The following DAAM1 variants were observed in gnomAD, a reference collection of about 807,000 sequenced individuals.
DAAM1 encodes dishevelled associated activator of morphogenesis 1, also known as disheveled-associated activator of morphogenesis 1.
DAAM1 carries 52 observed loss-of-function variants against 130.0 expected under a neutral mutation model. The ratio of observed to expected loss-of-function variants is 0.40; its 90% CI spans 0.32 to 0.50. The LOEUF is 0.50. Ranked by LOEUF, DAAM1 falls within the 20% of genes least tolerant of loss-of-function variation. The pLI, the probability that DAAM1 is intolerant of heterozygous loss-of-function variation, is 0.61. For synonymous variants in DAAM1, 452 were observed against 444.5 expected (o/e 1.02, Z -0.21); for missense variants, 1,134 against 1,303.8 (o/e 0.87, Z 2.01).
intron 23 of DAAM1, among the ~76,000 whole-genome samples, chr14:59,365,701 TA>T (rs756044771): frequency 1.9e-4 from 29 of 151,976 alleles, no homozygotes; most frequent in African/African-American, 6.8e-4. Context: ...AGTAAAGCAA[TA>T]AAAAAACCAA....
At chr14:59,343,808 C>T (rs1885947361) in intron 16 of DAAM1, among the ~76,000 whole-genome samples, 1 of 152,202 alleles carries the variant, frequency 6.6e-6, no homozygotes, top group South Asian at 2.1e-4. Context: ...GCATGAGTGA[C>T]CAAATCATTC....
chr14:59,300,713 T>TA (rs1352081867), intron 3 of DAAM1, among the ~76,000 whole-genome samples: 1 of 152,226 alleles, frequency 6.6e-6, no homozygotes, highest in Non-Finnish European at 1.5e-5. Context: ...ACTGCTCTTC[T>TA]GAAAGTGGTT....
chr14:59,321,455 A>G (rs1325112015), intron 5 of DAAM1, among the ~76,000 whole-genome samples: 1 of 152,258 alleles, frequency 6.6e-6, no homozygotes, highest in African/African-American at 2.4e-5. Context: ...ATTTCTCAAT[A>G]CAAGTATTAC....
intron 1 of DAAM1, among the ~76,000 whole-genome samples, chr14:59,245,520 A>G (rs1320693563): frequency 6.6e-6 from 1 of 152,338 alleles, no homozygotes; most frequent in Non-Finnish European, 1.5e-5. Context: ...AGTCTTTTAT[A>G]TAATATTCCT....
chr14:59,284,117 G>A (rs552866994), intron 2 of DAAM1, among the ~76,000 whole-genome samples: 2 of 152,196 alleles, frequency 1.3e-5, no homozygotes, highest in African/African-American at 4.8e-5. Flanking sequence ...GCTCATGTTT[G>A]AGAACCACTT....
intron 1 of DAAM1, among the ~76,000 whole-genome samples, chr14:59,228,847 T>C (rs1889020523): frequency 6.6e-6 from 1 of 152,202 alleles, no homozygotes; most frequent in African/African-American, 2.4e-5. Context: ...TTAGCTATGG[T>C]TTTAAATAAT....
At chr14:59,267,947 G>T (rs1227488323) in intron 2 of DAAM1, among the ~76,000 whole-genome samples, 1 of 146,458 alleles carries the variant, frequency 6.8e-6, no homozygotes, top group Non-Finnish European at 1.5e-5. Context: ...CTGTTACCCA[G>T]GCTGGAGTGC....
intron 3 of DAAM1, among the ~76,000 whole-genome samples, chr14:59,306,227 G>C (rs1290050245): frequency 6.6e-6 from 1 of 152,172 alleles, no homozygotes; most frequent in Non-Finnish European, 1.5e-5. Context: ...GTTCAGAAAT[G>C]TGTAAGTCTA....
intron 1 of DAAM1, among the ~76,000 whole-genome samples, chr14:59,199,337 A>G (rs1052711749): frequency 5.9e-5 from 9 of 152,106 alleles, no homozygotes; most frequent in East Asian, 3.9e-4. Context: ...GCCTCAAGCA[A>G]TCCTCCCGCC....
Position 59,363,634 on chromosome 14 carries a change from C to T in DAAM1, c.2695-17C>T, listed in dbSNP as rs1886798943. On this transcript the variant is annotated splice_polypyrimidine_tract_variant and intron_variant, in intron 22 of 24. Coordinates refer to ENST00000360909, the MANE Select transcript of DAAM1 (RefSeq NM_001270520.2). ...ATTTGAAGCCTGCATTGACATTATT[C>T]ATTTCCTGTGTTTAAGGAGCTGGAA... The T allele has an allele frequency of 1.9e-6, 3 of 1,613,832 alleles. No individual in the cohort carries two copies. The East Asian group carries it at 6.7e-5, about 36-fold the overall frequency.
intron 2 of DAAM1, among the ~76,000 whole-genome samples, chr14:59,275,261 A>G (rs1360413873): frequency 6.6e-6 from 1 of 152,192 alleles, no homozygotes; most frequent in Non-Finnish European, 1.5e-5. Flanking sequence ...TCTTTCAAGA[A>G]CAACAGGCAA....
intron 15 of DAAM1, among the ~76,000 whole-genome samples, chr14:59,337,958 A>G (rs900108669): frequency 6.6e-6 from 1 of 152,164 alleles, no homozygotes; most frequent in Non-Finnish European, 1.5e-5. Context: ...TGGTTTTCCT[A>G]TTAACAGTAG....
chr14:59,359,363 G>C (rs1375630626), intron 20 of DAAM1, 34 bp from the exon 21 acceptor site: 2 of 1,449,448 alleles, frequency 1.4e-6, no homozygotes, highest in Non-Finnish European at 1.9e-6. Context: ...AAAATAATTT[G>C]AATGTTTAAT....
intron 1 of DAAM1, among the ~76,000 whole-genome samples, chr14:59,223,337 A>G (rs1345741087): frequency 2.0e-5 from 3 of 152,246 alleles, no homozygotes; most frequent in African/African-American, 4.8e-5. Flanking sequence ...GTCATATGGT[A>G]ACTTGGTAGC....
At chr14:59,291,335 C>T (rs375507706) in intron 3 of DAAM1, 29 bp downstream of exon 3, 421 of 1,520,870 alleles carry the variant, frequency 2.8e-4, no homozygotes, top group Non-Finnish European at 3.6e-4. Context: ...TTATGGTTAA[C>T]TGGAAAATAA....
chr14:59,322,237 G>A (rs1885039271), intron 5 of DAAM1, among the ~76,000 whole-genome samples: 1 of 152,056 alleles, frequency 6.6e-6, no homozygotes, highest in African/African-American at 2.4e-5. Flanking sequence ...AAGCGCATGG[G>A]CCAGACATGG....
At chr14:59,246,680 T>C (rs921373483) in intron 1 of DAAM1, among the ~76,000 whole-genome samples, 3 of 152,194 alleles carry the variant, frequency 2.0e-5, no homozygotes, top group Non-Finnish European at 4.4e-5. Context: ...TGTACAGGGT[T>C]CCAGTTTCTC....
chr14:59,326,862 C>T, intron 11 of DAAM1, 71 bp from the exon 12 acceptor site: 4 of 1,589,670 alleles, frequency 2.5e-6, no homozygotes, highest in Non-Finnish European at 3.4e-6. Context: ...ATTTTTGTAC[C>T]TGGGGAGAAT....
chr14:59,241,095 G>A (rs930606486), intron 1 of DAAM1, among the ~76,000 whole-genome samples: 5 of 152,220 alleles, frequency 3.3e-5, no homozygotes, highest in African/African-American at 1.2e-4. Context: ...TTTAATCTCA[G>A]TGTGCTTCTG....
Sources: allele counts gnomAD v4.1 joint callset (sites outside exome capture counted in the v4.1 genomes callset), GRCh38; gene constraint gnomAD v4.1.1; transcripts MANE v1.5; gene names NCBI Gene and HGNC (gene_info 2026-07-23, HGNC 2026-07-21).